ITGB2: variants seen among roughly 807,000 people sequenced by gnomAD.
The protein encoded by ITGB2 is integrin subunit beta 2, also known as integrin beta-2.
A neutral mutation model predicts 86.8 loss-of-function variants in ITGB2; 56 were observed. The observed-to-expected ratio is 0.65, with a 90% confidence interval of 0.52 to 0.81. The LOEUF (loss-of-function observed/expected upper bound fraction) is 0.81. Among genes scored for constraint, ITGB2 ranks in the 30% least tolerant of loss-of-function variants. ITGB2 has a pLI of 0.00. For synonymous variants in ITGB2, 457 were observed against 450.4 expected, an observed-to-expected ratio of 1.01 and a Z score of -0.19; for missense variants, 948 against 1,061.2, an observed-to-expected ratio of 0.89 and a Z score of 1.48.
At position 44,899,081 on chromosome 21, in the gene ITGB2, C is replaced by T; in HGVS notation, c.979G>A (p.Val327Met). 1 of 1,613,892 alleles carries T rather than the reference C, an allele frequency of 6.2e-7. No individual in the cohort carries two copies. Among genetic ancestry groups the T allele is most frequent in the Non-Finnish European group, 8.5e-7 (1 of 1,179,744 alleles). The change falls in exon 8 of 16, where the codon GTG becomes ATG. Residue 327 changes from valine to methionine, a missense_variant. Val to Met is a conservative substitution (Grantham distance 21, BLOSUM62 1). Transcript: ENST00000652462. ...ACAGCACTCACCTCGTAGGTCTTCA[C>T]CATCCTACTGGTCACCGCGAAGATG... ...QPIFAVTSRM[V>M]KTYEKLTEII...
intron 3 of ITGB2, among the ~76,000 whole-genome samples, chr21:44,908,729 A>G (rs1393236427): frequency 6.6e-6 from 1 of 152,348 alleles, no homozygotes; most frequent in East Asian, 1.9e-4. Flanking sequence ...TCCGGCTACA[A>G]CGGTGCTGGA....
chr21:44,904,019 C>T (rs1172719400), intron 4 of ITGB2, among the ~76,000 whole-genome samples: 2 of 152,172 alleles, frequency 1.3e-5, no homozygotes, highest in Admixed American at 6.5e-5. Flanking sequence ...CGCTCGCCCG[C>T]GTCTCAGTCA....
At position 44,900,962 on chromosome 21, in the gene ITGB2, G is replaced by T. The variant is rs530321308; in HGVS notation, c.742-487C>A. 2.0e-5 allele frequency among the ~76,000 whole-genome samples: 3 copies of T among 152,218 alleles called. No individual in the cohort carries two copies. In the East Asian group the frequency reaches 5.8e-4, roughly 29 times the overall value. ...TCACACTCGTGAGCAGTGTGTCTGC[G>T]CTGGGACTGCAGGGAAGCAGGAGAG... is the stretch of plus-strand genomic sequence containing the variant. On this transcript the variant is annotated intron_variant, in intron 6 of 15. Transcript: ENST00000652462.
intron 10 of ITGB2, 66 bp from the exon 11 acceptor site, chr21:44,892,062 C>T (rs931930784): frequency 5.9e-6 from 9 of 1,519,006 alleles, no homozygotes; most frequent in Non-Finnish European, 7.2e-6. Flanking sequence ...AGCTCCCAAC[C>T]CTCACCTCCT....
At chr21:44,924,158 G>A (rs180695898), upstream of ITGB2, among the ~76,000 whole-genome samples, 3 of 152,116 alleles carry the variant, frequency 2.0e-5, no homozygotes, top group East Asian at 1.9e-4. Flanking sequence ...GGCCAGTCGC[G>A]GTGGCTCACA....
chr21:44,886,658 G>A lies in ITGB2; in HGVS notation c.2247+78C>T, dbSNP rs548104156. On this transcript the variant is annotated intron_variant, in intron 15 of 15. Coordinates refer to ENST00000652462, the MANE Select transcript of ITGB2 (RefSeq NM_000211.5). ...GGTGCAGCCACACACGGGTGTCCAC[G>A]GCCTCCCGCAGCAGGAGGTCGCATA... 1.4e-5 allele frequency: 22 copies of A among 1,592,746 alleles called. No homozygotes were observed. The East Asian group carries it at 2.0e-4, about 15-fold the overall frequency.
At position 44,900,365 on chromosome 21, in the gene ITGB2, G is replaced by A. The variant is rs1392033232; in HGVS notation, c.852C>T (p.Gly284=). ...KLGAILTPND[G]RCHLEDNLYK... ...ACAAGTTGTCCTCCAGGTGACAGCG[G>A]CCGTCGTTGGGGGTCAGGATGGCGC... is the stretch of plus-strand genomic sequence containing the variant. The change falls in exon 7 of 16, where the codon GGC becomes GGT. Residue 284 remains glycine, a synonymous_variant. Transcript: ENST00000652462. 2 of 1,614,098 alleles carry A rather than the reference G, an allele frequency of 1.2e-6. No homozygotes were observed. The highest frequency in any genetic ancestry group is 1.7e-6 in the Non-Finnish European group (2 of 1,180,032).
At chr21:44,888,427 G>A (rs2083730157) in intron 14 of ITGB2, among the ~76,000 whole-genome samples, 1 of 152,268 alleles carries the variant, frequency 6.6e-6, no homozygotes, top group Admixed American at 6.5e-5. Context: ...CCGGTGTGGA[G>A]CAGTGGTGCC....
chr21:44,890,152 C>T lies in ITGB2; in HGVS notation c.1483G>A (p.Gly495Arg), dbSNP rs1268793893. 1 of 1,613,448 alleles carries T rather than the reference C, an allele frequency of 6.2e-7. No individual in the cohort carries two copies. Among genetic ancestry groups the T allele is most frequent in the Admixed American group, 1.7e-5 (1 of 60,032 alleles). The change falls in exon 12 of 16, where the codon GGA (glycine) becomes AGA (arginine). Residue 495 changes from glycine to arginine, a missense_variant. Transcript: ENST00000652462. ...GAGTTGTTGTCCTTCCGGCAGCTTC[C>T]TTCCAGCTCCTGGCTGCTCCGGCCC... ...TQGRSSQELE[G>R]SCRKDNNSII...
At chr21:44,902,442 C>A (rs1177238320) in intron 5 of ITGB2, among the ~76,000 whole-genome samples, 1 of 144,626 alleles carries the variant, frequency 6.9e-6, no homozygotes, top group Non-Finnish European at 1.5e-5. Flanking sequence ...CATGCATTTG[C>A]GTGTGAGCAT....
At position 44,888,815 on chromosome 21, in the gene ITGB2, G is replaced by A. The variant is rs899349769; in HGVS notation, c.1958C>T (p.Ser653Leu). The change falls in exon 14 of 16, where the codon TCG becomes TTG. Residue 653 changes from serine (S) to leucine (L), a missense_variant. Ser to Leu is a moderately radical substitution (Grantham distance 145). Transcript: ENST00000652462. ...CSAACPGLQL[S>L]NNPVKGRTCK... Reference sequence around the variant, plus strand: ...GGTCCTGCCCTTCACGGGGTTGTTCGACAGCTGCAGGCCCGGACACGCCGC... The same window carrying A: ...GGTCCTGCCCTTCACGGGGTTGTTCAACAGCTGCAGGCCCGGACACGCCGC... The A allele has an allele frequency of 6.2e-6, 10 of 1,611,482 alleles. No homozygotes were observed. Among genetic ancestry groups the A allele is most frequent in the Non-Finnish European group, 8.5e-6 (10 of 1,179,974 alleles).
chr21:44,886,224 G>A lies in ITGB2; in HGVS notation c.*144C>T. On this transcript the variant is annotated 3_prime_UTR_variant, in exon 16 of 16. Coordinates refer to ENST00000652462, the MANE Select transcript of ITGB2 (RefSeq NM_000211.5). Reference sequence around the variant, plus strand: ...ACGAGCCCCCAGAAGCACCCGGCCGGCCATGGCTGTCATTTTGAGGGCGGA... The same window carrying A: ...ACGAGCCCCCAGAAGCACCCGGCCGACCATGGCTGTCATTTTGAGGGCGGA... 1.2e-6 allele frequency: 1 copy of A among 816,396 alleles called. No individual in the cohort carries two copies. Among genetic ancestry groups the A allele is most frequent in the Non-Finnish European group, 2.1e-6 (1 of 475,992 alleles). 50.6% of individuals were successfully genotyped at this position (816,396 alleles called of 1,614,324 possible).
rs751424754 is a variant in ITGB2, at chr21:44,889,987, C to T, written c.1648G>A (p.Gly550Ser). ...NCERYNGQVC[G>S]GPGRGLCFCG... ...GGACCCACGGGCTCACCCGGGCCGC[C>T]GCAGACCTGGCCGTTGTAGCGCTCA... The change falls in exon 12 of 16, where the codon GGC becomes AGC. Residue 550 changes from glycine (G) to serine (S), a missense_variant. By Grantham distance (56) the Gly-to-Ser change is moderately conservative. Transcript: ENST00000652462. 18 of 1,613,050 alleles carry T rather than the reference C, an allele frequency of 1.1e-5. No homozygotes were observed. Among genetic ancestry groups the T allele is most frequent in the Middle Eastern group, 1.6e-4 (1 of 6,080 alleles).
At chr21:44,922,518 C>G (rs1419496425), upstream of ITGB2, among the ~76,000 whole-genome samples, 12 of 151,806 alleles carry the variant, frequency 7.9e-5, no homozygotes, top group Admixed American at 7.9e-4. Context: ...AAAAAATTTT[C>G]TAAGAATTCG....
chr21:44,919,040 T>A (rs58233058), intron 1 of ITGB2, among the ~76,000 whole-genome samples: 48,448 of 114,644 alleles, frequency 0.42, 10,449 homozygotes, highest in African/African-American at 0.69. Flanking sequence ...GTTGCTCAGC[T>A]GTTCATTGAG....
rs1568916409 is a variant in ITGB2 at position 44,926,136 on chromosome 21, AATTAATT to A, written c.-4+2511_-4+2517del. ...TATATATACAATAAATAAATAAATT[AATTAATT>A]AATTAAATAAAGGCTGGTGGAGGGA... On this transcript the variant is annotated intron_variant, in intron 1 of 15. Transcript: ENST00000355153. Among the ~76,000 whole-genome samples, 782 of 151,876 alleles carry A rather than the reference AATTAATT, an allele frequency of 5.1e-3. 6 individuals are homozygous for A. Among genetic ancestry groups the A allele is most frequent in the African/African-American group, 0.018 (744 of 41,422 alleles).
intron 5 of ITGB2, 118 bp from the exon 6 acceptor site, chr21:44,901,851 G>T: frequency 8.9e-7 from 1 of 1,127,228 alleles, no homozygotes; most frequent in Non-Finnish European, 1.2e-6. Context: ...GGTGGAGAAA[G>T]CAAGATGGCA....
intron 5 of ITGB2, 35 bp from the exon 6 acceptor site, chr21:44,901,768 G>A (rs1462273647): frequency 6.3e-7 from 1 of 1,589,870 alleles, no homozygotes; most frequent in Admixed American, 1.7e-5. Context: ...GGAGGTGGCA[G>A]GCTGGGCCCA....
intron 1 of ITGB2, among the ~76,000 whole-genome samples, chr21:44,914,938 AAAAAG>A (rs1039735657): frequency 2.0e-5 from 3 of 151,940 alleles, no homozygotes; most frequent in African/African-American, 7.3e-5. Flanking sequence ...GTCTCAAAAA[AAAAAG>A]AAAAGAAAAA....
Sources: gnomAD v4.1 joint callset for allele counts (sites outside exome capture counted in the v4.1 genomes callset) on GRCh38, gnomAD v4.1.1 for gene constraint, MANE v1.5 for transcripts, NCBI Gene and HGNC (gene_info 2026-07-23, HGNC 2026-07-21) for gene names.